The following NRG1 variants were observed in gnomAD, a reference collection of about 807,000 sequenced individuals.
The protein encoded by NRG1 is neuregulin 1, also known as pro-neuregulin-1, membrane-bound isoform.
Under a neutral mutation model 63.8 loss-of-function variants are expected in NRG1, and 18 were observed. That is an observed-to-expected ratio of 0.28 (90% CI 0.19 to 0.42). The LOEUF is 0.42. Among genes scored for constraint, NRG1 ranks in the 10% least tolerant of loss-of-function variants. The pLI, the probability that NRG1 is intolerant of heterozygous loss-of-function variation, is 1.00. For missense variants in NRG1, 762 were observed against 814.7 expected (o/e 0.94, Z 0.79); for synonymous variants, 302 against 301.3 (o/e 1.00, Z -0.02).
At chr8:32,029,993 C>A (rs761427776) in intron 1 of NRG1, among the ~76,000 whole-genome samples, 1 of 151,998 alleles carries the variant, frequency 6.6e-6, no homozygotes, top group Non-Finnish European at 1.5e-5. Context: ...TCTTTATATT[C>A]ATTATAACTA....
intron 1 of NRG1, among the ~76,000 whole-genome samples, chr8:32,439,950 T>A (rs1819319603): frequency 6.6e-6 from 1 of 152,036 alleles, no homozygotes; most frequent in South Asian, 2.1e-4. Context: ...TATATTAGTT[T>A]ATTTTCACAT....
At chr8:32,728,669 C>T in intron 6 of NRG1, 2 of 984,104 alleles carry the variant, frequency 2.0e-6, no homozygotes, top group Non-Finnish European at 2.4e-6. Context: ...TTGTATGTAG[C>T]ATCCCTGTGG....
intron 1 of NRG1, among the ~76,000 whole-genome samples, chr8:32,479,230 C>T (rs1824915362): frequency 6.6e-6 from 1 of 152,086 alleles, no homozygotes; most frequent in Non-Finnish European, 1.5e-5. Context: ...AATCTCAGCA[C>T]TTTGGGAGGC....
At chr8:32,553,025 T>C (rs1321209330) in intron 1 of NRG1, among the ~76,000 whole-genome samples, 1 of 152,192 alleles carries the variant, frequency 6.6e-6, no homozygotes, top group Non-Finnish European at 1.5e-5. Context: ...ATAAGAAAAT[T>C]CCTTGCTATT....
chr8:32,426,702 AAC>A (rs1766332580), intron 1 of NRG1, among the ~76,000 whole-genome samples: 1 of 152,154 alleles, frequency 6.6e-6, no homozygotes, highest in African/African-American at 2.4e-5. Context: ...CTGTCTCTGC[AAC>A]ACACAAAGCA....
chr8:31,695,907 A>C (rs980639594), intron 1 of NRG1, among the ~76,000 whole-genome samples: 2 of 152,202 alleles, frequency 1.3e-5, no homozygotes, highest in Non-Finnish European at 2.9e-5. Flanking sequence ...GGAAGGGACA[A>C]GTCACCTCAA....
intron 1 of NRG1, among the ~76,000 whole-genome samples, chr8:31,763,139 C>G (rs1006825587): frequency 6.6e-6 from 1 of 152,106 alleles, no homozygotes; most frequent in African/African-American, 2.4e-5. Flanking sequence ...GATTAAATCT[C>G]TCAGCAAACT....
intron 1 of NRG1, among the ~76,000 whole-genome samples, chr8:31,878,719 G>T (rs902456877): frequency 6.6e-6 from 1 of 152,144 alleles, no homozygotes; most frequent in African/African-American, 2.4e-5. Context: ...GAGTCATGCA[G>T]TTCATGTAGG....
At chr8:31,740,251 T>C (rs1815127558) in intron 1 of NRG1, among the ~76,000 whole-genome samples, 1 of 152,080 alleles carries the variant, frequency 6.6e-6, no homozygotes. Flanking sequence ...ATATTTGAGA[T>C]GCCTCTTTTA....
intron 5 of NRG1, among the ~76,000 whole-genome samples, chr8:32,708,109 G>T (rs1468467163): frequency 6.6e-6 from 1 of 151,056 alleles, no homozygotes; most frequent in Admixed American, 6.6e-5. Flanking sequence ...TCCTAATTAA[G>T]TTTTCCTTTC....
At chr8:32,410,648 GT>G (rs1353712182) in intron 1 of NRG1, among the ~76,000 whole-genome samples, 3 of 152,056 alleles carry the variant, frequency 2.0e-5, no homozygotes, top group African/African-American at 4.8e-5. Context: ...ACACCAGAGT[GT>G]ATTGCCTTCA....
At chr8:31,844,299 A>G (rs2129608155) in intron 1 of NRG1, among the ~76,000 whole-genome samples, 1 of 152,328 alleles carries the variant, frequency 6.6e-6, no homozygotes, top group African/African-American at 2.4e-5. Context: ...CAGCCTTGCC[A>G]GTTCGGAATC....
intron 1 of NRG1, among the ~76,000 whole-genome samples, chr8:31,758,178 T>C (rs933513961): frequency 6.6e-6 from 1 of 152,088 alleles, no homozygotes; most frequent in Admixed American, 6.6e-5. Context: ...TCAACTACAT[T>C]AGGTGTTTCT....
chr8:32,121,437 T>C (rs545457352), intron 1 of NRG1, among the ~76,000 whole-genome samples: 1 of 151,904 alleles, frequency 6.6e-6, no homozygotes, highest in East Asian at 1.9e-4. Flanking sequence ...CCTTTACCTT[T>C]GTAAGGGACA....
chr8:31,641,233 T>G (rs1231964482), intron 1 of NRG1, among the ~76,000 whole-genome samples: 1 of 152,180 alleles, frequency 6.6e-6, no homozygotes, highest in Non-Finnish European at 1.5e-5. Context: ...CCGACAGATG[T>G]GGCAGAGTTT....
intron 1 of NRG1, among the ~76,000 whole-genome samples, chr8:31,843,753 T>C (rs1382174878): frequency 2.6e-5 from 4 of 152,256 alleles, no homozygotes; most frequent in African/African-American, 4.8e-5. Context: ...CTTTGTGATC[T>C]ACATAGTTTA....
chr8:32,750,710 C>CAA (rs34624230), intron 7 of NRG1, among the ~76,000 whole-genome samples: 23,744 of 124,110 alleles, frequency 0.19, 2,629 homozygotes, highest in African/African-American at 0.29. Context: ...ATTTCTTCCT[C>CAA]AAAAAAAAAA....
intron 1 of NRG1, among the ~76,000 whole-genome samples, chr8:31,920,830 T>C (rs1486955163): frequency 6.6e-6 from 1 of 151,928 alleles, no homozygotes; most frequent in Non-Finnish European, 1.5e-5. Flanking sequence ...GTGCTGGCTA[T>C]GTAAAAATAA....
intron 1 of NRG1, among the ~76,000 whole-genome samples, chr8:32,089,148 C>T (rs559027816): frequency 2.6e-5 from 4 of 152,276 alleles, no homozygotes; most frequent in Admixed American, 1.3e-4. Context: ...TTTGTAGCTG[C>T]AGACTTCTGT....
Sources: allele counts gnomAD v4.1 joint callset (sites outside exome capture counted in the v4.1 genomes callset), GRCh38; gene constraint gnomAD v4.1.1; transcripts MANE v1.5; gene names NCBI Gene and HGNC (gene_info 2026-07-23, HGNC 2026-07-21).